The following ELMO1 variants were observed in gnomAD, a reference collection of about 807,000 sequenced individuals.
ELMO1 encodes engulfment and cell motility 1.
Under a neutral mutation model 98.9 loss-of-function variants are expected in ELMO1, and 26 were observed. The ratio of observed to expected loss-of-function variants is 0.26; its 90% CI spans 0.19 to 0.36. The LOEUF (loss-of-function observed/expected upper bound fraction) is 0.36, where lower values mean the gene tolerates loss of function less well. Among genes scored for constraint, ELMO1 ranks in the 10% least tolerant of loss-of-function variants. The probability of loss-of-function intolerance (pLI) is 1.00; values close to 1 mark genes in which losing one functional copy is unlikely to be tolerated. For synonymous variants in ELMO1, 346 were observed against 346.0 expected (o/e 1.00, Z 0.00); for missense variants, 627 against 935.2 (o/e 0.67, Z 4.30).
At chr7:37,021,198 G>T (rs1310564492) in intron 15 of ELMO1, among the ~76,000 whole-genome samples, 1 of 152,110 alleles carries the variant, frequency 6.6e-6, no homozygotes, top group Non-Finnish European at 1.5e-5. Flanking sequence ...AGAACTTGAA[G>T]TTCCTTCACT....
At chr7:36,973,933 G>T (rs190165274) in intron 16 of ELMO1, among the ~76,000 whole-genome samples, 1 of 152,236 alleles carries the variant, frequency 6.6e-6, no homozygotes, top group African/African-American at 2.4e-5. Context: ...CCAGCCCACC[G>T]GCGCTGAGCT....
chr7:37,213,540 C>CA, intron 11 of ELMO1, 83 bp from the exon 12 acceptor site: 1 of 1,327,560 alleles, frequency 7.5e-7, no homozygotes, highest in Non-Finnish European at 1.0e-6. Context: ...AAGGCTCTCA[C>CA]AGTCTTCACT....
chr7:37,033,492 T>TAA (rs35858298), intron 15 of ELMO1: 119 of 378,956 alleles, frequency 3.1e-4, no homozygotes, highest in African/African-American at 1.1e-3. Context: ...TGTTTAGTGT[T>TAA]AAAAAAAAAA....
intron 2 of ELMO1, among the ~76,000 whole-genome samples, chr7:37,336,525 G>T (rs899113539): frequency 6.6e-6 from 1 of 152,100 alleles, no homozygotes; most frequent in East Asian, 1.9e-4. Flanking sequence ...AAAGAGTGTC[G>T]ACAGTGAACA....
chr7:37,374,436 G>C (rs981381648), intron 1 of ELMO1, among the ~76,000 whole-genome samples: 33 of 152,304 alleles, frequency 2.2e-4, no homozygotes, highest in African/African-American at 7.9e-4. Context: ...AGATAAAAAA[G>C]AACATTAGTT....
At chr7:37,199,609 G>A (rs1563072921) in intron 13 of ELMO1, among the ~76,000 whole-genome samples, 1 of 152,194 alleles carries the variant, frequency 6.6e-6, no homozygotes, top group East Asian at 1.9e-4. Flanking sequence ...GAAGAAGGGA[G>A]TAACATATCC....
chr7:37,415,707 T>C (rs1420585012), intron 1 of ELMO1, among the ~76,000 whole-genome samples: 1 of 152,106 alleles, frequency 6.6e-6, no homozygotes, highest in East Asian at 1.9e-4. Context: ...CATGAAAAAA[T>C]GTATCTTCCC....
intron 17 of ELMO1, among the ~76,000 whole-genome samples, chr7:36,892,627 C>T (rs1053495114): frequency 2.5e-4 from 38 of 152,318 alleles, no homozygotes; most frequent in African/African-American, 8.9e-4. Context: ...CTTGGTTTAT[C>T]GTGTGAGCCA....
chr7:37,271,167 C>T (rs1343969117), intron 5 of ELMO1: 1 of 152,592 alleles, frequency 6.6e-6, no homozygotes, highest in Non-Finnish European at 1.5e-5. Context: ...TCTTGATCTC[C>T]TGACCTCCTG....
intron 1 of ELMO1, among the ~76,000 whole-genome samples, chr7:37,379,152 G>T (rs951654064): frequency 6.6e-6 from 1 of 151,674 alleles, no homozygotes; most frequent in Admixed American, 6.6e-5. Flanking sequence ...CCATTCTCTT[G>T]CCTCCGCCTC....
chr7:37,222,747 A>G, intron 9 of ELMO1, 54 bp from the exon 10 acceptor site: 1 of 1,553,980 alleles, frequency 6.4e-7, no homozygotes. Context: ...AGAAGAGGCT[A>G]GCCCTGGGTC....
chr7:36,947,845 C>A (rs58791756), intron 16 of ELMO1, among the ~76,000 whole-genome samples: 17,761 of 152,072 alleles, frequency 0.12, 1,337 homozygotes, highest in African/African-American at 0.22. Context: ...CATCACCTCC[C>A]CACAACCACC....
chr7:37,096,525 G>A (rs1468807613), intron 15 of ELMO1, 94 bp downstream of exon 15: 23 of 1,024,148 alleles, frequency 2.2e-5, no homozygotes, highest in African/African-American at 7.9e-5. Flanking sequence ...AGAAGCTGTC[G>A]GCATCTTGGG....
chr7:37,445,046 A>G (rs1343558308), intron 1 of ELMO1, among the ~76,000 whole-genome samples: 1 of 152,220 alleles, frequency 6.6e-6, no homozygotes, highest in Non-Finnish European at 1.5e-5. Flanking sequence ...CGTTACCTAC[A>G]CTGAGCAATA....
At chr7:37,243,353 T>A (rs1314970329) in intron 7 of ELMO1, among the ~76,000 whole-genome samples, 1 of 152,196 alleles carries the variant, frequency 6.6e-6, no homozygotes, top group East Asian at 1.9e-4. Flanking sequence ...ACCGAGCTTG[T>A]ATGTTGAATG....
chr7:37,131,513 A>G (rs2129298127), intron 14 of ELMO1, among the ~76,000 whole-genome samples: 1 of 152,366 alleles, frequency 6.6e-6, no homozygotes, highest in East Asian at 1.9e-4. Context: ...CTCCAATTTT[A>G]GAAACACTCA....
At chr7:37,251,011 ATGAC>A (rs751275743) in intron 6 of ELMO1, among the ~76,000 whole-genome samples, 12 of 152,020 alleles carry the variant, frequency 7.9e-5, no homozygotes, top group Admixed American at 2.6e-4. Flanking sequence ...GCCCCTAGTG[ATGAC>A]TGACTAACAG....
At chr7:37,040,963 C>T (rs1176249927) in intron 15 of ELMO1, among the ~76,000 whole-genome samples, 3 of 152,118 alleles carry the variant, frequency 2.0e-5, no homozygotes, top group Admixed American at 6.5e-5. Flanking sequence ...GCCTGTAATT[C>T]CAGCTGCTCA....
chr7:37,304,366 T>C (rs976273070), intron 4 of ELMO1, among the ~76,000 whole-genome samples: 6 of 151,936 alleles, frequency 3.9e-5, no homozygotes, highest in Non-Finnish European at 8.8e-5. Flanking sequence ...TGTGTGTGCG[T>C]GTGTGTGTGT....
Sources: allele counts gnomAD v4.1 joint callset (sites outside exome capture counted in the v4.1 genomes callset), GRCh38; gene constraint gnomAD v4.1.1; transcripts MANE v1.5; gene names NCBI Gene and HGNC (gene_info 2026-07-23, HGNC 2026-07-21).